BRD3: variants seen among roughly 807,000 people sequenced by gnomAD.
BRD3 encodes the protein bromodomain containing 3, also known as bromodomain-containing protein 3.
A neutral mutation model predicts 66.8 loss-of-function variants in BRD3; 17 were observed. The ratio of observed to expected loss-of-function variants is 0.25; its 90% CI spans 0.17 to 0.38. The LOEUF (loss-of-function observed/expected upper bound fraction) is 0.38. Ranked by LOEUF, BRD3 falls within the 10% of genes least tolerant of loss-of-function variation. The pLI, the probability that BRD3 is intolerant of heterozygous loss-of-function variation, is 1.00. For missense variants in BRD3, 713 were observed against 956.1 expected (o/e 0.75, Z 3.35); for synonymous variants, 421 against 393.2 (o/e 1.07, Z -0.84).
At chr9:134,065,073 T>C (rs1037145728) in intron 1 of BRD3, among the ~76,000 whole-genome samples, 16 of 152,356 alleles carry the variant, frequency 1.1e-4, no homozygotes, top group Admixed American at 1.0e-3. Flanking sequence ...AGCCTTGCAT[T>C]CTACCATGAT....
At chr9:134,047,085 C>A (rs754169186) in intron 6 of BRD3, among the ~76,000 whole-genome samples, 1 of 152,218 alleles carries the variant, frequency 6.6e-6, no homozygotes, top group Non-Finnish European at 1.5e-5. Context: ...AGCCAGGCGG[C>A]CCCGCTCGTC....
chr9:134,063,742 C>T (rs748830354), intron 1 of BRD3, among the ~76,000 whole-genome samples: 3 of 152,176 alleles, frequency 2.0e-5, no homozygotes, highest in Non-Finnish European at 4.4e-5. Context: ...GCCCCAGACT[C>T]CAGGCCTGGC....
chr9:134,036,680 C>T (rs1829923376), intron 9 of BRD3: 1 of 1,074,804 alleles, frequency 9.3e-7, no homozygotes, highest in African/African-American at 1.6e-5. Context: ...AAATGAGAGA[C>T]CGAAATCCAA....
At chr9:134,039,501 T>C (rs1829994326) in intron 9 of BRD3, among the ~76,000 whole-genome samples, 4 of 152,124 alleles carry the variant, frequency 2.6e-5, no homozygotes, top group African/African-American at 9.7e-5. Context: ...TGCCTCCCCC[T>C]TGGGAAGCCT....
In BRD3 at chr9:134,045,684, A is replaced by C. The variant is rs889877346; in HGVS notation, c.1087-263T>G. Among the ~76,000 whole-genome samples, 1 of 152,054 alleles carries C rather than the reference A, an allele frequency of 6.6e-6. No homozygotes were observed. The highest frequency in any genetic ancestry group is 1.5e-5 in the Non-Finnish European group (1 of 67,982). ...GATCTCCTGATTGGAAGAAAAATGC[A>C]CTCAACAAGAAATCCCAGGTTCCCG... On this transcript the variant is annotated intron_variant, in intron 6 of 11. Coordinates refer to ENST00000303407, the MANE Select transcript of BRD3 (RefSeq NM_007371.4). This position sits in a 1 kb window ranked among gnomAD's most constrained non-coding sequence, Gnocchi z 4.8.
At chr9:134,046,927 T>G (rs1830183361) in intron 6 of BRD3, among the ~76,000 whole-genome samples, 1 of 152,236 alleles carries the variant, frequency 6.6e-6, no homozygotes, top group Non-Finnish European at 1.5e-5. Context: ...GCCCAAACAC[T>G]GGAACCCCCC....
chr9:134,062,357 G>A (rs570800875), intron 1 of BRD3, among the ~76,000 whole-genome samples: 4 of 152,230 alleles, frequency 2.6e-5, no homozygotes, highest in Middle Eastern at 3.4e-3. Flanking sequence ...CCCCAGACAC[G>A]CTGGGCAGGT....
At chr9:134,036,356 A>G (rs1829912108) in intron 9 of BRD3, 32 bp from the exon 10 acceptor site, 1 of 1,574,608 alleles carries the variant, frequency 6.4e-7, no homozygotes, top group Non-Finnish European at 8.6e-7. Context: ...CGTGGTGTTG[A>G]GTCTCCGTCT....
chr9:134,035,973 G>C, intron 10 of BRD3, 59 bp downstream of exon 10: 9 of 1,542,946 alleles, frequency 5.8e-6, no homozygotes, highest in Non-Finnish European at 7.9e-6. Context: ...AGTGACAGGA[G>C]GGGCAGGCCA....
intron 3 of BRD3, among the ~76,000 whole-genome samples, 157 bp from the exon 4 acceptor site, chr9:134,051,866 TGTGTGTG>T: frequency 7.9e-5 from 9 of 113,300 alleles, no homozygotes; most frequent in African/African-American, 3.7e-4. Flanking sequence ...TGTGTGTGTG[TGTGTGTG>T]TGTGTTGTTT....
chr9:134,050,201 T>C (rs1410565093), intron 5 of BRD3, among the ~76,000 whole-genome samples, 173 bp downstream of exon 5: 1 of 152,016 alleles, frequency 6.6e-6, no homozygotes. Context: ...CAGGCCTAGG[T>C]CTCCTCATCT....
At chr9:134,059,628 A>C (rs1330568202) in intron 1 of BRD3, among the ~76,000 whole-genome samples, 1 of 152,188 alleles carries the variant, frequency 6.6e-6, no homozygotes, top group African/African-American at 2.4e-5. Flanking sequence ...GGGGCCCCAC[A>C]CCACAGGGAC....
chr9:134,048,257 C>G lies in BRD3; in HGVS notation c.912G>C (p.Lys304Asn). ...EDGEVPQHAG[K>N]KGKLSEHLRY... The stretch of plus-strand genomic sequence containing the variant: ...GTAGGTGCTCCGACAGCTTGCCCTT[C>G]TTGCCTGCGTGCTGGGGCACCTCGC... Residue 304 changes from lysine (K) to asparagine (N), a missense_variant, in exon 6 of 12, where the codon AAG becomes AAC. Transcript: ENST00000303407. The G allele has an allele frequency of 6.2e-7, 1 of 1,611,050 alleles. No individual in the cohort carries two copies. The highest frequency in any genetic ancestry group is 8.5e-7 in the Non-Finnish European group (1 of 1,179,214).
intron 1 of BRD3, among the ~76,000 whole-genome samples, chr9:134,059,717 A>G (rs62575779): frequency 2.5e-3 from 385 of 152,288 alleles, no homozygotes; most frequent in Admixed American, 4.7e-3. Context: ...CAGTGCAGGA[A>G]GAACTCATTT....
intron 11 of BRD3, 22 bp downstream of exon 11, chr9:134,034,679 G>A: frequency 1.2e-6 from 2 of 1,600,938 alleles, no homozygotes; most frequent in Non-Finnish European, 1.7e-6. Context: ...AAGAGGGGTG[G>A]CACAGCGGCC....
Position 134,031,994 on chromosome 9 carries a change from G to T in BRD3, c.*1596C>A, listed in dbSNP as rs1843518227. On this transcript the variant is annotated 3_prime_UTR_variant, in exon 12 of 12. Coordinates refer to ENST00000303407, the MANE Select transcript of BRD3 (RefSeq NM_007371.4). ...GGCCCAGAGACTCCTCCACCCCTGGGGAGGGCAGACAGGCTCGGGAGGGCC... is the reference window on the plus strand; with the variant it reads ...GGCCCAGAGACTCCTCCACCCCTGGTGAGGGCAGACAGGCTCGGGAGGGCC... 1 of 217,028 alleles carries T rather than the reference G, an allele frequency of 4.6e-6. No individual in the cohort carries two copies. The highest frequency in any genetic ancestry group is 2.3e-5 in the African/African-American group (1 of 44,342). 13.4% of individuals were successfully genotyped at this position (217,028 alleles called of 1,614,324 possible).
chr9:134,051,878 T>TA (rs372701647), intron 3 of BRD3, among the ~76,000 whole-genome samples, 169 bp from the exon 4 acceptor site: 28,849 of 115,914 alleles, frequency 0.25, 4,447 homozygotes, highest in East Asian at 0.55. Context: ...TGTGTGTGTG[T>TA]TGTTTTTTTT....
chr9:134,036,665 T>C (rs1219154536), intron 9 of BRD3: 1 of 1,191,940 alleles, frequency 8.4e-7, no homozygotes. Flanking sequence ...AAAAAGAAAA[T>C]AATAAAATGA....
At chr9:134,046,655 T>C (rs1204275969) in intron 6 of BRD3, among the ~76,000 whole-genome samples, 1 of 152,178 alleles carries the variant, frequency 6.6e-6, no homozygotes, top group Non-Finnish European at 1.5e-5. Context: ...AAGCTCCATC[T>C]GTATAATCTA....
Sources: allele counts gnomAD v4.1 joint callset (sites outside exome capture counted in the v4.1 genomes callset), GRCh38; gene constraint gnomAD v4.1.1; non-coding constraint Gnocchi (gnomAD v3.1); transcripts MANE v1.5; gene names NCBI Gene and HGNC (gene_info 2026-07-23, HGNC 2026-07-21).